Variants in ZNF462 observed in about 807,000 individuals in gnomAD.
The protein encoded by ZNF462 is zinc finger protein 462.
Under a neutral mutation model 201.9 loss-of-function variants are expected in ZNF462, and 10 were observed. The observed-to-expected ratio is 0.05, with a 90% CI of 0.03 to 0.08. The LOEUF (loss-of-function observed/expected upper bound fraction) is 0.08, where lower values mean the gene tolerates loss of function less well. Among genes scored for constraint, ZNF462 ranks in the 10% least tolerant of loss-of-function variants. The probability of loss-of-function intolerance (pLI) is 1.00; values close to 1 mark genes in which losing one functional copy is unlikely to be tolerated. For missense variants in ZNF462, 2,523 were observed against 3,168.3 expected (o/e 0.80, Z 4.89); for synonymous variants, 1,227 against 1,193.3 (o/e 1.03, Z -0.58).
At chr9:106,896,050 C>T (rs908294613) in intron 1 of ZNF462, among the ~76,000 whole-genome samples, 3 of 152,146 alleles carry the variant, frequency 2.0e-5, no homozygotes, top group African/African-American at 7.2e-5. Flanking sequence ...CTCTCCATCT[C>T]TTTACTTGGA....
chr9:107,009,257 T>G lies in ZNF462; in HGVS notation c.7190-288T>G, dbSNP rs1829778099. The G allele has an allele frequency of 2.6e-6, 1 of 386,796 alleles. No individual in the cohort carries two copies. The highest frequency in any genetic ancestry group is 4.7e-6 in the Non-Finnish European group (1 of 213,964). 24.0% of individuals were successfully genotyped at this position (386,796 alleles called of 1,614,324 possible). On this transcript the variant is annotated intron_variant, in intron 11 of 12. Transcript: ENST00000277225. The surrounding 1 kb of genome is among the most constrained non-coding windows in gnomAD (Gnocchi z 6.1). ...ATAATGCTCAGATTCCTTTGGAATC[T>G]CGGGCAAGCGGCTCTTCAGTCAAGA...
rs1831508026 is a variant in ZNF462, at chr9:106,954,886, T to C, written c.6427+15779T>C. Among the ~76,000 whole-genome samples the C allele has an allele frequency of 6.6e-6, 1 of 152,176 alleles. No individual in the cohort carries two copies. Among genetic ancestry groups the C allele is most frequent in the Non-Finnish European group, 1.5e-5 (1 of 68,028 alleles). On this transcript the variant is annotated intron_variant, in intron 7 of 12. Coordinates refer to ENST00000277225, the MANE Select transcript of ZNF462 (RefSeq NM_021224.6). The surrounding 1 kb of genome is among the most constrained non-coding windows in gnomAD (Gnocchi z 4.0). Reference sequence around the variant, plus strand: ...TAGGAGCAGGGTTTTTGTTATTTTTTTATTCTGAACAATGAATATAAGGCT... The same window carrying C: ...TAGGAGCAGGGTTTTTGTTATTTTTCTATTCTGAACAATGAATATAAGGCT...
In ZNF462 at chr9:106,883,317, C is replaced by G. The variant is rs1020901384; in HGVS notation, c.-31+19962C>G. Among the ~76,000 whole-genome samples, 8 of 152,196 alleles carry G rather than the reference C, an allele frequency of 5.3e-5. No homozygotes were observed. The highest frequency in any genetic ancestry group is 1.2e-4 in the Non-Finnish European group (8 of 68,038). The stretch of plus-strand genomic sequence containing the variant: ...TTCTAATATAAAGTATGTGTTAAAG[C>G]AAGACTAGGATAATAGCGGGAAAGT... On this transcript the variant is annotated intron_variant, in intron 1 of 12. Coordinates refer to ENST00000277225, the MANE Select transcript of ZNF462 (RefSeq NM_021224.6). This position sits in a 1 kb window ranked among gnomAD's most constrained non-coding sequence, Gnocchi z 4.9.
chr9:106,934,712 G>A (rs1166671341), intron 5 of ZNF462, among the ~76,000 whole-genome samples: 1 of 152,148 alleles, frequency 6.6e-6, no homozygotes, highest in Non-Finnish European at 1.5e-5. Context: ...ATTTAGAAGG[G>A]AATTTAGTTC....
At chr9:106,990,884 T>C (rs1389563397) in intron 10 of ZNF462, among the ~76,000 whole-genome samples, 1 of 152,032 alleles carries the variant, frequency 6.6e-6, no homozygotes, top group Non-Finnish European at 1.5e-5. Flanking sequence ...GCAGTGCTAT[T>C]GAAACTGAAT....
chr9:106,866,086 G>A (rs1587965655), intron 1 of ZNF462, among the ~76,000 whole-genome samples: 1 of 152,160 alleles, frequency 6.6e-6, no homozygotes, highest in Admixed American at 6.5e-5. Flanking sequence ...ACTTGGAGGA[G>A]ATTCAGAACC....
At chr9:106,999,456 C>T (rs375940692) in intron 10 of ZNF462, among the ~76,000 whole-genome samples, 2 of 152,120 alleles carry the variant, frequency 1.3e-5, no homozygotes, top group South Asian at 2.1e-4. Context: ...TTGTGACAAA[C>T]ATGTTTAATA....
Position 106,926,077 on chromosome 9 carries a change from A to T in ZNF462, c.2165A>T (p.Asp722Val), listed in dbSNP as rs777165949. ...GAAGATGCAGTGATCAATGTTGAGG[A>T]TGATGAAGAGGAAGAGGAAGACAAC... Reference protein sequence around the residue: ...QQEDAVINVEDDEEEEEDNEV... With the variant: ...QQEDAVINVEVDEEEEEDNEV... The change falls in exon 3 of 13, where the codon GAT becomes GTT. Residue 722 changes from aspartate (D) to valine (V), a missense_variant. Transcript: ENST00000277225. The surrounding 1 kb of genome is among the most constrained non-coding windows in gnomAD (Gnocchi z 7.9). 6.2e-7 allele frequency: 1 copy of T among 1,614,230 alleles called. No individual in the cohort carries two copies. Among genetic ancestry groups the T allele is most frequent in the Admixed American group, 1.7e-5 (1 of 60,028 alleles).
At chr9:106,956,859 A>T (rs765896342) in intron 7 of ZNF462, among the ~76,000 whole-genome samples, 4 of 152,160 alleles carry the variant, frequency 2.6e-5, no homozygotes, top group Non-Finnish European at 5.9e-5. Context: ...CCTTCATAGA[A>T]TTGAAGATAA....
intron 10 of ZNF462, among the ~76,000 whole-genome samples, chr9:106,989,349 C>G (rs1472197135): frequency 2.0e-5 from 3 of 151,930 alleles, no homozygotes; most frequent in Admixed American, 6.6e-5. Flanking sequence ...TTTATTGACT[C>G]GTGTACGTTA....
rs1828264644 is a variant in ZNF462 at position 106,885,157 on chromosome 9, A to T, written c.-31+21802A>T. 6.6e-6 allele frequency among the ~76,000 whole-genome samples: 1 copy of T among 152,176 alleles called. No homozygotes were observed. Among genetic ancestry groups the T allele is most frequent in the African/African-American group, 2.4e-5 (1 of 41,432 alleles). On this transcript the variant is annotated intron_variant, in intron 1 of 12. Transcript: ENST00000277225. The surrounding 1 kb of genome is among the most constrained non-coding windows in gnomAD (Gnocchi z 4.1). ...TTCAGCTTCCCAAGAAAATGCAAGG[A>T]ATTTATTTATTTTCTTTACATGTTG...
chr9:106,865,977 A>G lies in ZNF462; in HGVS notation c.-31+2622A>G, dbSNP rs542994406. 2.0e-5 allele frequency among the ~76,000 whole-genome samples: 3 copies of G among 152,296 alleles called. No individual in the cohort carries two copies. In the East Asian group the frequency reaches 5.8e-4, roughly 29 times the overall value. ...CCAACCATGAAGATGTTGCTTTTCC[A>G]TTAGGTGAGGTAGCCATCTTGAGGA... is the stretch of plus-strand genomic sequence containing the variant. On this transcript the variant is annotated intron_variant, in intron 1 of 12. Transcript: ENST00000277225. This position sits in a 1 kb window ranked among gnomAD's most constrained non-coding sequence, Gnocchi z 4.1.
rs1354724788 is a variant in ZNF462 at position 106,905,163 on chromosome 9, T to A, written c.-30-18191T>A. 1.3e-5 allele frequency among the ~76,000 whole-genome samples: 2 copies of A among 152,190 alleles called. No homozygotes were observed. Among genetic ancestry groups the A allele is most frequent in the East Asian group, 3.9e-4 (2 of 5,192 alleles). On this transcript the variant is annotated intron_variant, in intron 1 of 12. Coordinates refer to ENST00000277225, the MANE Select transcript of ZNF462 (RefSeq NM_021224.6). This position sits in a 1 kb window ranked among gnomAD's most constrained non-coding sequence, Gnocchi z 5.9. Reference sequence around the variant, plus strand: ...CCCTTTTCCTATGGATGTGGCTTCCTATGAGCCAAACTTCAGTGATTGTTA... The same window carrying A: ...CCCTTTTCCTATGGATGTGGCTTCCAATGAGCCAAACTTCAGTGATTGTTA...
At chr9:106,941,918 T>C (rs935627994) in intron 7 of ZNF462, among the ~76,000 whole-genome samples, 1 of 152,198 alleles carries the variant, frequency 6.6e-6, no homozygotes, top group Admixed American at 6.5e-5. Flanking sequence ...TGGGGCTAGA[T>C]AGTAGCCTGT....
Position 106,930,591 on chromosome 9 carries a change from T to C in ZNF462, c.5914T>C (p.Phe1972Leu). The C allele has an allele frequency of 1.2e-6, 2 of 1,614,066 alleles. No individual in the cohort carries two copies. The highest frequency in any genetic ancestry group is 1.7e-6 in the Non-Finnish European group (2 of 1,180,000). The change falls in exon 4 of 13, where the codon TTC (phenylalanine) becomes CTC (leucine). Residue 1972 changes from phenylalanine (F) to leucine (L), a missense_variant. By Grantham distance (22) the Phe-to-Leu change is conservative. Transcript: ENST00000277225. This position sits in a 1 kb window ranked among gnomAD's most constrained non-coding sequence, Gnocchi z 5.8. The part of the protein sequence containing the change: ...ERKVVGYKCK[F>L]CVEVHPTLRA... ...GAAAGTGGTGGGCTACAAATGTAAA[T>C]TCTGTGTGGAAGTGCACCCAACGCT...
Position 106,929,626 on chromosome 9 carries a change from C to G in ZNF462, c.5714C>G (p.Ala1905Gly). 6.2e-7 allele frequency: 1 copy of G among 1,614,190 alleles called. No homozygotes were observed. The highest frequency in any genetic ancestry group is 8.5e-7 in the Non-Finnish European group (1 of 1,180,050). The change falls in exon 3 of 13, where the codon GCC becomes GGC. Residue 1905 changes from alanine to glycine, a missense_variant. Ala to Gly is a moderately conservative substitution (Grantham distance 60). Around this residue, in one of 15 missense-constraint regions of ZNF462, gnomAD observed 207 missense variants for 231.6 expected, o/e 0.89. Coordinates refer to ENST00000277225, the MANE Select transcript of ZNF462 (RefSeq NM_021224.6). The surrounding 1 kb of genome is among the most constrained non-coding windows in gnomAD (Gnocchi z 8.7). Reference sequence around the variant, plus strand: ...TGTGATAGCAAACTGCAAAGCACAGCCGAGCTGACCTCACACTTGAACATT... The same window carrying G: ...TGTGATAGCAAACTGCAAAGCACAGGCGAGCTGACCTCACACTTGAACATT... ...KHCDSKLQST[A>G]ELTSHLNIHN...
chr9:106,868,866 TG>T (rs1303740014), intron 1 of ZNF462, among the ~76,000 whole-genome samples: 1 of 152,204 alleles, frequency 6.6e-6, no homozygotes, highest in African/African-American at 2.4e-5. Context: ...CATACACTAG[TG>T]GGCAGGAGTA....
intron 1 of ZNF462, among the ~76,000 whole-genome samples, chr9:106,869,977 A>G (rs1827516568): frequency 6.6e-6 from 1 of 152,142 alleles, no homozygotes; most frequent in Non-Finnish European, 1.5e-5. Flanking sequence ...AGGGAAATCC[A>G]TTGGAAGCAA....
Position 106,974,541 on chromosome 9 carries a change from T to C in ZNF462, c.6832+268T>C, listed in dbSNP as rs1031273402. On this transcript the variant is annotated intron_variant, in intron 9 of 12. Transcript: ENST00000277225. The surrounding 1 kb of genome is among the most constrained non-coding windows in gnomAD (Gnocchi z 4.0). The stretch of plus-strand genomic sequence containing the variant: ...AGGGCTTCCCAGCATGGGGGATTTG[T>C]ACATTCTGACAATTCTGCCACCCAC... 7.8e-6 allele frequency: 4 copies of C among 509,680 alleles called. No homozygotes were observed. In the Admixed American group the frequency reaches 1.3e-4, roughly 16 times the overall value. The allele number at this position is 509,680 out of a possible 1,614,324, so 31.6% of individuals were successfully genotyped here.
Sources: gnomAD v4.1 joint callset for allele counts (sites outside exome capture counted in the v4.1 genomes callset) on GRCh38, gnomAD v4.1.1 for gene constraint, gnomAD v4.1.1 regional missense constraint, Gnocchi (gnomAD v3.1) non-coding constraint, MANE v1.5 for transcripts, NCBI Gene and HGNC (gene_info 2026-07-23, HGNC 2026-07-21) for gene names.